Variants in ULK4 observed in about 807,000 individuals in gnomAD.
The protein encoded by ULK4 is inactive serine/threonine-protein kinase ULK4.
A neutral mutation model predicts 160.6 loss-of-function variants in ULK4; 133 were observed. The observed-to-expected ratio is 0.83, with a 90% CI of 0.72 to 0.96. The LOEUF (loss-of-function observed/expected upper bound fraction) is 0.96. ULK4 is among the 40% of genes least tolerant of loss of function. The pLI, the probability that ULK4 is intolerant of heterozygous loss-of-function variation, is 0.00. For synonymous variants in ULK4, 534 were observed against 539.8 expected (o/e 0.99, Z 0.15); for missense variants, 1,580 against 1,499.5 (o/e 1.05, Z -0.89).
intron 35 of ULK4, among the ~76,000 whole-genome samples, chr3:41,260,444 A>G (rs1453241822): frequency 6.6e-6 from 1 of 152,256 alleles, no homozygotes; most frequent in East Asian, 1.9e-4. Context: ...TGGGATGCTG[A>G]GTAAATCTGA....
In ULK4 at chr3:41,491,663, A is replaced by C. The variant is rs187923288; in HGVS notation, c.3227-28410T>G. On this transcript the variant is annotated intron_variant, in intron 32 of 36. Coordinates refer to ENST00000301831, the MANE Select transcript of ULK4 (RefSeq NM_017886.4). ...CCCAATGATTTAATAATCAAACTGA[A>C]TCCATAAAATTAATAGGAAAAAAAA... Among the ~76,000 whole-genome samples, 486 of 151,062 alleles carry C rather than the reference A, an allele frequency of 3.2e-3. 1 individual carries two copies. The highest frequency in any genetic ancestry group is 0.024 in the Middle Eastern group (7 of 292).
chr3:41,908,555 C>T (rs1698660441), intron 11 of ULK4, among the ~76,000 whole-genome samples: 1 of 151,972 alleles, frequency 6.6e-6, no homozygotes, highest in South Asian at 2.1e-4. Context: ...AAGCAATTCT[C>T]GTGCCTTAGC....
rs554562514 is a variant in ULK4, at chr3:41,305,340, C to T, written c.3679-55766G>A. 4.2e-3 allele frequency among the ~76,000 whole-genome samples: 634 copies of T among 152,354 alleles called. 3 individuals are homozygous for T. The highest frequency in any genetic ancestry group is 0.015 in the African/African-American group (607 of 41,590). Reference sequence around the variant, plus strand: ...CACTGCAACCTCCCTGCCTGATTCTCCTGACTGAGCATGCTGAGTGCCTGC... The same window carrying T: ...CACTGCAACCTCCCTGCCTGATTCTTCTGACTGAGCATGCTGAGTGCCTGC... On this transcript the variant is annotated intron_variant, in intron 35 of 36. Transcript: ENST00000301831.
intron 35 of ULK4, among the ~76,000 whole-genome samples, chr3:41,341,398 T>C (rs1420274700): frequency 6.6e-6 from 1 of 152,230 alleles, no homozygotes; most frequent in East Asian, 1.9e-4. Context: ...TCCTTGATTT[T>C]ACACTCAACC....
chr3:41,305,236 C>T (rs1019475088), intron 35 of ULK4, among the ~76,000 whole-genome samples: 28 of 152,298 alleles, frequency 1.8e-4, no homozygotes, highest in African/African-American at 6.3e-4. Flanking sequence ...CCTCTCCCCA[C>T]GGTCTCCCTC....
At chr3:41,648,093 G>A (rs1021730046) in intron 30 of ULK4, among the ~76,000 whole-genome samples, 3 of 152,184 alleles carry the variant, frequency 2.0e-5, no homozygotes, top group East Asian at 1.9e-4. Context: ...TCCAGGTGCC[G>A]TCTGTCACCC....
intron 4 of ULK4, among the ~76,000 whole-genome samples, chr3:41,933,744 TA>T (rs57199702): frequency 7.4e-5 from 11 of 148,832 alleles, no homozygotes; most frequent in African/African-American, 2.2e-4. Flanking sequence ...AAAAAATTAA[TA>T]AAAAAAAAAT....
At chr3:41,506,318 C>A (rs1343739725) in intron 32 of ULK4, among the ~76,000 whole-genome samples, 2 of 152,130 alleles carry the variant, frequency 1.3e-5, no homozygotes, top group African/African-American at 4.8e-5. Flanking sequence ...ATCTTTCAAT[C>A]CATCTTTTGG....
chr3:41,356,491 A>C lies in ULK4; in HGVS notation c.3678+41588T>G, dbSNP rs373791739. Among the ~76,000 whole-genome samples the C allele has an allele frequency of 3.9e-5, 6 of 152,284 alleles. No homozygotes were observed. In the South Asian group the frequency reaches 1.0e-3, roughly 26 times the overall value. On this transcript the variant is annotated intron_variant, in intron 35 of 36. Coordinates refer to ENST00000301831, the MANE Select transcript of ULK4 (RefSeq NM_017886.4). ...CAGCATCAGGAACCATATCCTTACT[A>C]CTTATTAAGTGTAGCTTAACCAGAC...
chr3:41,774,914 C>A lies in ULK4; in HGVS notation c.2193+14747G>T, dbSNP rs571788729. Among the ~76,000 whole-genome samples, 145 of 150,442 alleles carry A rather than the reference C, an allele frequency of 9.6e-4. 10 individuals carry two copies. Among genetic ancestry groups the A allele is most frequent in the African/African-American group, 3.1e-3 (123 of 39,884 alleles). ...AGCCATAAAAATAATGAGTTCATGT[C>A]CTTTGTAGGGACATGGATGAAGCTG... On this transcript the variant is annotated intron_variant, in intron 21 of 36. Coordinates refer to ENST00000301831, the MANE Select transcript of ULK4 (RefSeq NM_017886.4).
intron 22 of ULK4, among the ~76,000 whole-genome samples, chr3:41,742,131 A>G (rs1250133684): frequency 1.3e-5 from 2 of 150,886 alleles, no homozygotes; most frequent in African/African-American, 5.0e-5. Flanking sequence ...TAGTGGGACC[A>G]TGGGAATTTT....
chr3:41,536,992 A>C (rs2086523899), intron 32 of ULK4, among the ~76,000 whole-genome samples: 1 of 152,204 alleles, frequency 6.6e-6, no homozygotes, highest in African/African-American at 2.4e-5. Flanking sequence ...GTCTTGAGTA[A>C]CTGGAACCCT....
intron 34 of ULK4, among the ~76,000 whole-genome samples, chr3:41,417,033 C>T (rs185891948): frequency 1.4e-4 from 21 of 152,236 alleles, no homozygotes; most frequent in Admixed American, 1.1e-3. Flanking sequence ...CATGTGAAGA[C>T]GCAGAATGCA....
At chr3:41,341,234 T>C (rs191353637) in intron 35 of ULK4, among the ~76,000 whole-genome samples, 70 of 152,306 alleles carry the variant, frequency 4.6e-4, no homozygotes, top group African/African-American at 1.7e-3. Flanking sequence ...TGTTTCAGAA[T>C]AAACAGCAAG....
chr3:41,948,891 G>T (rs1431313220), intron 2 of ULK4, among the ~76,000 whole-genome samples: 1 of 151,928 alleles, frequency 6.6e-6, no homozygotes, highest in African/African-American at 2.4e-5. Context: ...TCCACTTCTA[G>T]TCAAGAAGGT....
At chr3:41,459,222 ATTTT>A (rs1320932087) in intron 33 of ULK4, among the ~76,000 whole-genome samples, 1 of 150,056 alleles carries the variant, frequency 6.7e-6, no homozygotes, top group African/African-American at 2.5e-5. Context: ...CGGCTAATTT[ATTTT>A]TTTATTTTTT....
At chr3:41,801,262 G>A (rs1054907415) in intron 19 of ULK4, among the ~76,000 whole-genome samples, 1 of 152,078 alleles carries the variant, frequency 6.6e-6, no homozygotes, top group African/African-American at 2.4e-5. Flanking sequence ...TAGTGAACAT[G>A]AAGACATAGC....
At chr3:41,835,770 C>A in intron 18 of ULK4, 94 bp downstream of exon 18, 1 of 935,800 alleles carries the variant, frequency 1.1e-6, no homozygotes, top group South Asian at 1.8e-5. Context: ...CTCTAAGGCG[C>A]AAAATCAAAA....
intron 32 of ULK4, among the ~76,000 whole-genome samples, chr3:41,484,859 T>C (rs2125900431): frequency 6.6e-6 from 1 of 152,334 alleles, no homozygotes; most frequent in Non-Finnish European, 1.5e-5. Flanking sequence ...AGTCAGATTG[T>C]GGTAAATGAA....
Sources: allele counts gnomAD v4.1 joint callset (sites outside exome capture counted in the v4.1 genomes callset), GRCh38; gene constraint gnomAD v4.1.1; transcripts MANE v1.5; gene names NCBI Gene and HGNC (gene_info 2026-07-23, HGNC 2026-07-21).